The following HIVEP1 variants were observed in gnomAD, a reference collection of about 807,000 sequenced individuals.
HIVEP1 encodes the protein HIVEP zinc finger 1.
HIVEP1 carries 36 observed loss-of-function variants against 180.0 expected under a neutral mutation model. The observed-to-expected ratio is 0.20, with a 90% CI of 0.15 to 0.26. HIVEP1 has a LOEUF of 0.26. HIVEP1 is among the 10% of genes least tolerant of loss of function. The pLI, the probability that HIVEP1 is intolerant of heterozygous loss-of-function variation, is 1.00. For synonymous variants in HIVEP1, 1,239 were observed against 1,239.0 expected, an observed-to-expected ratio of 1.00 and a Z score of 0.00; for missense variants, 3,143 against 3,268.7, an observed-to-expected ratio of 0.96 and a Z score of 0.94.
the HIVEP1 span, among the ~76,000 whole-genome samples, chr6:12,200,048 C>G: frequency 6.6e-6 from 1 of 152,134 alleles, no homozygotes; most frequent in Non-Finnish European, 1.5e-5. Flanking sequence ...AAGATGGAGA[C>G]CAAGACTGCT....
chr6:12,059,062 C>G (rs549801511), intron 2 of HIVEP1, among the ~76,000 whole-genome samples: 1 of 152,194 alleles, frequency 6.6e-6, no homozygotes, highest in East Asian at 1.9e-4. Context: ...AGCAATTCTC[C>G]TGCCTTAGCC....
At chr6:12,052,169 A>G (rs554860118) in intron 2 of HIVEP1, among the ~76,000 whole-genome samples, 2 of 152,318 alleles carry the variant, frequency 1.3e-5, no homozygotes, top group East Asian at 3.9e-4. Flanking sequence ...TTACGGAATC[A>G]AGACCACGGC....
At chr6:12,188,308 G>A in the HIVEP1 span, among the ~76,000 whole-genome samples, 1 of 152,026 alleles carries the variant, frequency 6.6e-6, no homozygotes, top group Admixed American at 6.6e-5. Context: ...TCATCTTCAT[G>A]GAAACTATAG....
chr6:12,013,536 T>C (rs1026757313), intron 1 of HIVEP1, among the ~76,000 whole-genome samples: 7 of 152,324 alleles, frequency 4.6e-5, no homozygotes, highest in African/African-American at 1.7e-4. Context: ...GGAATGTGCA[T>C]ATTTTACATT....
At chr6:12,014,565 A>T (rs989622712) in intron 1 of HIVEP1, among the ~76,000 whole-genome samples, 2 of 152,224 alleles carry the variant, frequency 1.3e-5, no homozygotes, top group East Asian at 1.9e-4. Context: ...TTGCTTAATG[A>T]CTAAACATTG....
chr6:12,051,277 C>A (rs1375972091), intron 2 of HIVEP1, among the ~76,000 whole-genome samples: 2 of 151,658 alleles, frequency 1.3e-5, no homozygotes, highest in Non-Finnish European at 1.5e-5. Flanking sequence ...AGTCATTCTT[C>A]TCTGTGTGGT....
intron 2 of HIVEP1, among the ~76,000 whole-genome samples, chr6:12,018,363 C>G (rs1767973637): frequency 6.6e-6 from 1 of 152,230 alleles, no homozygotes; most frequent in Non-Finnish European, 1.5e-5. Flanking sequence ...AAGGGCTCCT[C>G]AAGCGCGGCC....
intron 3 of HIVEP1, among the ~76,000 whole-genome samples, chr6:12,104,420 CTTTCCT>C (rs1774303390): frequency 1.0e-5 from 1 of 96,892 alleles, no homozygotes; most frequent in Non-Finnish European, 2.1e-5. Flanking sequence ...CTCTCCTTTT[CTTTCCT>C]TTTTTTTTTT....
rs995241642 is a variant in HIVEP1, at chr6:12,101,286, A to G, written c.94+12049A>G. 2.0e-5 allele frequency among the ~76,000 whole-genome samples: 3 copies of G among 152,174 alleles called. No individual in the cohort carries two copies. In the East Asian group the frequency reaches 5.8e-4, roughly 29 times the overall value. ...GCAAATAAGAAGGTTAGTATAACAAATACTCTAAGTATATACTTGGTTTTC... is the reference window on the plus strand; with the variant it reads ...GCAAATAAGAAGGTTAGTATAACAAGTACTCTAAGTATATACTTGGTTTTC... On this transcript the variant is annotated intron_variant, in intron 3 of 8. Coordinates refer to ENST00000379388, the MANE Select transcript of HIVEP1 (RefSeq NM_002114.4).
At chr6:12,108,116 CAT>C (rs1237940018) in intron 3 of HIVEP1, among the ~76,000 whole-genome samples, 1 of 152,022 alleles carries the variant, frequency 6.6e-6, no homozygotes, top group Non-Finnish European at 1.5e-5. Flanking sequence ...CTGAGCTAGA[CAT>C]AAAGTTTCTC....
Position 12,015,602 on chromosome 6 carries a change from GA to G in HIVEP1, c.-22del. ...TTGCTTTATCTGCAGTTTTTAAGAA[GA>G]AAAAGAAGGCCCTGAGTCAAAGAAG... On this transcript the variant is annotated 5_prime_UTR_variant, in exon 2 of 9. An upstream open reading frame in the 5' UTR loses its in-frame stop. Coordinates refer to ENST00000379388, the MANE Select transcript of HIVEP1 (RefSeq NM_002114.4). The G allele has an allele frequency of 6.2e-7, 1 of 1,608,514 alleles. No individual in the cohort carries two copies. Among genetic ancestry groups the G allele is most frequent in the East Asian group, 2.2e-5 (1 of 44,726 alleles).
chr6:12,117,388 A>T (rs982079116), intron 3 of HIVEP1, among the ~76,000 whole-genome samples: 4 of 152,256 alleles, frequency 2.6e-5, no homozygotes, highest in African/African-American at 9.6e-5. Context: ...TCCATTTAAC[A>T]TATGTGTTTT....
chr6:12,130,813 G>A lies in HIVEP1; in HGVS notation c.6256G>A (p.Gly2086Arg). The A allele has an allele frequency of 2.5e-6, 4 of 1,611,126 alleles. No homozygotes were observed. Among genetic ancestry groups the A allele is most frequent in the Non-Finnish European group, 3.4e-6 (4 of 1,177,540 alleles). The change falls in exon 6 of 9, where the codon GGA (glycine) becomes AGA (arginine). Residue 2086 changes from glycine (G) to arginine (R), a missense_variant. Physicochemically the swap from Gly to Arg is moderately radical, Grantham distance 125. Coordinates refer to ENST00000379388, the MANE Select transcript of HIVEP1 (RefSeq NM_002114.4). ...EYVYVRGRGR[G>R]KYICEECGIR... ...TGTATATGTCCGAGGCAGGGGAAGA[G>A]GAAAATACATTTGTGAAGAATGTGG...
At position 12,121,723 on chromosome 6, in the gene HIVEP1, A is replaced by G; in HGVS notation, c.1928A>G (p.His643Arg). Residue 643 changes from histidine (H) to arginine (R), a missense_variant, in exon 4 of 9, where the codon CAC (histidine) becomes CGC (arginine). Transcript: ENST00000379388. The surrounding 1 kb of genome is among the most constrained non-coding windows in gnomAD (Gnocchi z 5.3). ...CAAGACTCTCACGTAGGAACGGTAC[A>G]CGCCCAGCTACAAAGGCAGCAGGCT... ...GKQDSHVGTV[H>R]AQLQRQQATD... is the part of the protein sequence containing the mutation. 6.2e-7 allele frequency: 1 copy of G among 1,614,198 alleles called. No individual in the cohort carries two copies. The highest frequency in any genetic ancestry group is 1.1e-5 in the South Asian group (1 of 91,080).
At chr6:12,151,950 G>T (rs1191502579) in intron 7 of HIVEP1, among the ~76,000 whole-genome samples, 6 of 152,166 alleles carry the variant, frequency 3.9e-5, no homozygotes, top group African/African-American at 1.4e-4. Flanking sequence ...GAGGTCAGGA[G>T]TTCGAGACCA....
chr6:12,049,644 A>C (rs944852672), intron 2 of HIVEP1, among the ~76,000 whole-genome samples: 1 of 152,256 alleles, frequency 6.6e-6, no homozygotes, highest in Non-Finnish European at 1.5e-5. Flanking sequence ...CTCAGATAAT[A>C]AATGCTATTT....
chr6:12,148,485 C>T (rs963478645), intron 7 of HIVEP1, among the ~76,000 whole-genome samples: 1 of 152,190 alleles, frequency 6.6e-6, no homozygotes, highest in African/African-American at 2.4e-5. Context: ...AACATTGTAT[C>T]GTGTAAAGTG....
At chr6:12,129,130 AG>A (rs1167013023) in intron 4 of HIVEP1, among the ~76,000 whole-genome samples, 1 of 152,166 alleles carries the variant, frequency 6.6e-6, no homozygotes, top group Non-Finnish European at 1.5e-5. Flanking sequence ...GGACCTCTTG[AG>A]CCCAGGAGTT....
At chr6:12,177,679 C>G in the HIVEP1 span, among the ~76,000 whole-genome samples, 1 of 152,112 alleles carries the variant, frequency 6.6e-6, no homozygotes, top group Non-Finnish European at 1.5e-5. Context: ...AACTGACAAT[C>G]AAATGTCCCT....
Sources: allele counts gnomAD v4.1 joint callset (sites outside exome capture counted in the v4.1 genomes callset), GRCh38; gene constraint gnomAD v4.1.1; non-coding constraint Gnocchi (gnomAD v3.1); transcripts MANE v1.5; gene names NCBI Gene and HGNC (gene_info 2026-07-23, HGNC 2026-07-21).